EPHA6: variants seen among roughly 807,000 people sequenced by gnomAD.
The protein encoded by EPHA6 is ephrin type-A receptor 6.
A neutral mutation model predicts 112.0 loss-of-function variants in EPHA6; 50 were observed. The ratio of observed to expected loss-of-function variants is 0.45; its 90% CI spans 0.36 to 0.56. EPHA6 has a LOEUF of 0.56. Among genes scored for constraint, EPHA6 ranks in the 20% least tolerant of loss-of-function variants. The pLI, the probability that EPHA6 is intolerant of heterozygous loss-of-function variation, is 0.00. For missense variants in EPHA6, 1,280 were observed against 1,417.4 expected (o/e 0.90, Z 1.56); for synonymous variants, 529 against 490.7 (o/e 1.08, Z -1.03).
intron 2 of EPHA6, among the ~76,000 whole-genome samples, chr3:96,905,389 CTTA>C (rs1286216215): frequency 1.3e-5 from 2 of 151,632 alleles, no homozygotes; most frequent in African/African-American, 2.4e-5. Context: ...AATTATTAGT[CTTA>C]TTATGGAATT....
chr3:97,655,742 TG>T (rs780495277), intron 14 of EPHA6, among the ~76,000 whole-genome samples: 4 of 101,618 alleles, frequency 3.9e-5, no homozygotes, highest in Non-Finnish European at 7.5e-5. Flanking sequence ...CATCACACAC[TG>T]GGGGGCCTGT....
At chr3:97,454,256 T>C (rs946388720) in intron 7 of EPHA6, among the ~76,000 whole-genome samples, 2 of 151,816 alleles carry the variant, frequency 1.3e-5, no homozygotes, top group Non-Finnish European at 3.0e-5. Flanking sequence ...CGTAATTCTT[T>C]ACTAAGTTGT....
intron 5 of EPHA6, among the ~76,000 whole-genome samples, chr3:97,323,947 A>G (rs2082242038): frequency 6.6e-6 from 1 of 151,984 alleles, no homozygotes; most frequent in Non-Finnish European, 1.5e-5. Context: ...TTCAGTTCTC[A>G]TGTACTTAGT....
At chr3:97,026,369 C>T (rs923785416) in intron 3 of EPHA6, among the ~76,000 whole-genome samples, 4 of 151,908 alleles carry the variant, frequency 2.6e-5, no homozygotes, top group African/African-American at 9.7e-5. Context: ...GCAATATGGC[C>T]GTTTTACCAG....
chr3:96,887,628 C>T (rs1406204116), intron 2 of EPHA6, among the ~76,000 whole-genome samples: 1 of 152,120 alleles, frequency 6.6e-6, no homozygotes, highest in African/African-American at 2.4e-5. Context: ...TCAGGAGGAA[C>T]CAGGGTGGGC....
chr3:97,493,379 G>T (rs529966220), intron 10 of EPHA6, among the ~76,000 whole-genome samples: 1 of 152,126 alleles, frequency 6.6e-6, no homozygotes, highest in Non-Finnish European at 1.5e-5. Flanking sequence ...TAGATGGGGT[G>T]CCTACATGGT....
chr3:97,551,063 C>T (rs1174037547), intron 11 of EPHA6, among the ~76,000 whole-genome samples: 1 of 152,138 alleles, frequency 6.6e-6, no homozygotes, highest in African/African-American at 2.4e-5. Context: ...GCAATTTCTC[C>T]TACCTTTGTG....
intron 3 of EPHA6, among the ~76,000 whole-genome samples, chr3:97,199,649 G>A (rs892378827): frequency 1.2e-4 from 18 of 152,112 alleles, no homozygotes; most frequent in Non-Finnish European, 4.4e-5. Flanking sequence ...AATTATATCA[G>A]TTCTTTGAGA....
At chr3:96,855,223 C>T (rs957124763) in intron 1 of EPHA6, among the ~76,000 whole-genome samples, 7 of 152,164 alleles carry the variant, frequency 4.6e-5, no homozygotes, top group Non-Finnish European at 8.8e-5. Context: ...TATAAAATAT[C>T]CCCCTATTTT....
intron 3 of EPHA6, among the ~76,000 whole-genome samples, chr3:97,000,546 A>G (rs2043615670): frequency 6.6e-6 from 1 of 151,460 alleles, no homozygotes; most frequent in South Asian, 2.1e-4. Flanking sequence ...GGAACTGTGC[A>G]TTTTCTTTCT....
At chr3:97,458,262 T>C (rs1026221912) in intron 7 of EPHA6, among the ~76,000 whole-genome samples, 2 of 151,980 alleles carry the variant, frequency 1.3e-5, no homozygotes, top group Non-Finnish European at 2.9e-5. Context: ...TACTGTACTA[T>C]AAAGATAGGC....
chr3:97,613,033 G>A (rs540671775), intron 13 of EPHA6, among the ~76,000 whole-genome samples: 5 of 151,654 alleles, frequency 3.3e-5, no homozygotes, highest in Admixed American at 6.6e-5. Flanking sequence ...CCCTTTGCAC[G>A]TAGAGTTTCT....
At chr3:96,964,725 T>A (rs2042061384) in intron 2 of EPHA6, among the ~76,000 whole-genome samples, 1 of 152,180 alleles carries the variant, frequency 6.6e-6, no homozygotes, top group Non-Finnish European at 1.5e-5. Flanking sequence ...CCGTTTCCAG[T>A]TATAGACTTG....
At chr3:96,991,887 G>C (rs2043231311) in intron 3 of EPHA6, among the ~76,000 whole-genome samples, 1 of 152,108 alleles carries the variant, frequency 6.6e-6, no homozygotes. Context: ...CGAAAGGCAG[G>C]GAACACAACA....
At chr3:97,192,221 C>T (rs1193583725) in intron 3 of EPHA6, among the ~76,000 whole-genome samples, 1 of 152,118 alleles carries the variant, frequency 6.6e-6, no homozygotes, top group East Asian at 1.9e-4. Flanking sequence ...ACTGAAACTT[C>T]TGCCTCCCAG....
chr3:97,459,919 A>G (rs1186959344), intron 7 of EPHA6, among the ~76,000 whole-genome samples: 4 of 152,234 alleles, frequency 2.6e-5, no homozygotes, highest in African/African-American at 9.6e-5. Flanking sequence ...CTTTCTGAAG[A>G]TGCAGTAAAT....
chr3:97,440,876 A>T (rs571437519), intron 6 of EPHA6, among the ~76,000 whole-genome samples: 66 of 151,910 alleles, frequency 4.3e-4, no homozygotes, highest in African/African-American at 1.3e-3. Flanking sequence ...GAGATTTTTA[A>T]TAAGACAAGA....
intron 3 of EPHA6, chr3:97,010,018 C>T (rs924324320): frequency 1.4e-5 from 17 of 1,193,640 alleles, no homozygotes; most frequent in South Asian, 2.5e-5. Context: ...CTCCAAAGGC[C>T]GCTGCTTCTA....
At chr3:97,565,787 G>C (rs561150303) in intron 11 of EPHA6, among the ~76,000 whole-genome samples, 48 of 152,258 alleles carry the variant, frequency 3.2e-4, no homozygotes, top group African/African-American at 1.0e-3. Context: ...GGGAGGCTGA[G>C]GCAGGTGGAT....
Sources: allele counts gnomAD v4.1 joint callset (sites outside exome capture counted in the v4.1 genomes callset), GRCh38; gene constraint gnomAD v4.1.1; transcripts MANE v1.5; gene names NCBI Gene and HGNC (gene_info 2026-07-23, HGNC 2026-07-21).